The following CCDC7 variants were observed in gnomAD, a reference collection of about 807,000 sequenced individuals.
CCDC7 encodes coiled-coil domain containing 7.
In CCDC7, 183 loss-of-function variants were observed where a neutral mutation model predicts 196.9. The ratio of observed to expected loss-of-function variants is 0.93; its 90% confidence interval spans 0.82 to 1.05. CCDC7 has a LOEUF of 1.05. Among genes scored for constraint, CCDC7 ranks in the 50% least tolerant of loss-of-function variants. The pLI is 0.00. For missense variants in CCDC7, 1,540 were observed against 1,482.2 expected, an observed-to-expected ratio of 1.04 and a Z score of -0.64; for synonymous variants, 525 against 484.6, an observed-to-expected ratio of 1.08 and a Z score of -1.10.
exon 17 of CCDC7, chr10:32,583,148 A>G: frequency 8.1e-7 from 1 of 1,231,578 alleles, no homozygotes; most frequent in Non-Finnish European, 1.0e-6. Context: ...CTGAAAACCA[A>G]TCCTATAAAT....
chr10:32,597,025 A>C (rs11527642), intron 18 of CCDC7, among the ~76,000 whole-genome samples: 1 of 151,962 alleles, frequency 6.6e-6, no homozygotes, highest in Non-Finnish European at 1.5e-5. Flanking sequence ...TTCTCAAGGA[A>C]TATCTTTGTG....
At chr10:32,770,815 C>A (rs2079051654) in intron 28 of CCDC7, among the ~76,000 whole-genome samples, 1 of 152,066 alleles carries the variant, frequency 6.6e-6, no homozygotes, top group Non-Finnish European at 1.5e-5. Flanking sequence ...TTGAATTGAT[C>A]TTTTTATCAT....
At chr10:32,460,997 C>T (rs971377888) in intron 3 of CCDC7, among the ~76,000 whole-genome samples, 2 of 152,030 alleles carry the variant, frequency 1.3e-5, no homozygotes, top group Admixed American at 6.6e-5. Context: ...TTTGTTCAAT[C>T]TTATGTTACT....
At chr10:32,591,936 T>C (rs1400375868) in intron 18 of CCDC7, among the ~76,000 whole-genome samples, 1 of 152,158 alleles carries the variant, frequency 6.6e-6, no homozygotes, top group African/African-American at 2.4e-5. Flanking sequence ...ACCTAAGCTG[T>C]TTTTTGGTTC....
chr10:32,702,160 G>A (rs1000398843), intron 24 of CCDC7, among the ~76,000 whole-genome samples: 5 of 152,140 alleles, frequency 3.3e-5, no homozygotes, highest in African/African-American at 1.2e-4. Flanking sequence ...GGCATTTAGT[G>A]CTATAAATTT....
At chr10:32,801,344 G>A (rs1430332007) in intron 29 of CCDC7, among the ~76,000 whole-genome samples, 2 of 152,122 alleles carry the variant, frequency 1.3e-5, no homozygotes, top group Admixed American at 6.5e-5. Flanking sequence ...TTTCCAGCTC[G>A]CTCACAGTGG....
chr10:32,739,852 A>AT (rs1296747265), intron 28 of CCDC7, among the ~76,000 whole-genome samples: 21 of 136,034 alleles, frequency 1.5e-4, no homozygotes, highest in East Asian at 6.6e-4. Flanking sequence ...TATTGTCATT[A>AT]TTTTTGCCCC....
intron 25 of CCDC7, among the ~76,000 whole-genome samples, chr10:32,724,111 T>A (rs1335991): frequency 1.6e-4 from 25 of 152,030 alleles, no homozygotes; most frequent in African/African-American, 6.0e-4. Flanking sequence ...CCTGAAAAGC[T>A]TATATATACA....
intron 28 of CCDC7, among the ~76,000 whole-genome samples, chr10:32,742,903 A>G (rs2086117810): frequency 6.6e-6 from 1 of 152,206 alleles, no homozygotes. Context: ...TTTGACATAT[A>G]AAGTTGAGAG....
chr10:32,727,443 T>C (rs1004725654), intron 26 of CCDC7, among the ~76,000 whole-genome samples: 5 of 152,036 alleles, frequency 3.3e-5, no homozygotes, highest in African/African-American at 1.2e-4. Context: ...TTTAGGGGAT[T>C]GAGAGGACGA....
At chr10:32,780,839 A>G (rs1378187641) in intron 29 of CCDC7, among the ~76,000 whole-genome samples, 1 of 152,182 alleles carries the variant, frequency 6.6e-6, no homozygotes, top group African/African-American at 2.4e-5. Context: ...AGAAATTTGC[A>G]GAATGAATTT....
intron 33 of CCDC7, among the ~76,000 whole-genome samples, chr10:32,844,254 A>G (rs1374574994): frequency 6.6e-6 from 1 of 151,966 alleles, no homozygotes; most frequent in African/African-American, 2.4e-5. Flanking sequence ...TAAAAACTCC[A>G]GTGGAAAGGA....
chr10:32,611,817 C>T (rs1160140947), intron 18 of CCDC7, among the ~76,000 whole-genome samples: 2 of 152,188 alleles, frequency 1.3e-5, no homozygotes, highest in African/African-American at 2.4e-5. Context: ...GTTTTGGCTA[C>T]TGTAGCCTTG....
intron 18 of CCDC7, among the ~76,000 whole-genome samples, chr10:32,585,530 C>A (rs1354789374): frequency 6.6e-6 from 1 of 152,104 alleles, no homozygotes; most frequent in East Asian, 1.9e-4. Flanking sequence ...CTCCTAGGCC[C>A]CCACCCCTGA....
intron 30 of CCDC7, among the ~76,000 whole-genome samples, chr10:32,811,572 A>T (rs2087124554): frequency 6.6e-6 from 1 of 152,096 alleles, no homozygotes; most frequent in Admixed American, 6.6e-5. Context: ...GTATTTCAGA[A>T]TAGCTAGAGA....
At chr10:32,555,522 G>C (rs1326642829) in intron 13 of CCDC7, among the ~76,000 whole-genome samples, 1 of 152,180 alleles carries the variant, frequency 6.6e-6, no homozygotes, top group African/African-American at 2.4e-5. Context: ...GGTATTACAG[G>C]TGTGAGCCAT....
intron 29 of CCDC7, among the ~76,000 whole-genome samples, chr10:32,781,438 A>G (rs973564621): frequency 6.6e-6 from 1 of 152,204 alleles, no homozygotes; most frequent in Non-Finnish European, 1.5e-5. Context: ...GTAGCATACA[A>G]AAAATTATAC....
At chr10:32,620,966 G>A (rs922727655) in intron 18 of CCDC7, among the ~76,000 whole-genome samples, 1 of 152,060 alleles carries the variant, frequency 6.6e-6, no homozygotes, top group African/African-American at 2.4e-5. Flanking sequence ...TCTTGACATT[G>A]GAAGTTTTGA....
chr10:32,553,569 C>T (rs1040446839), intron 13 of CCDC7, among the ~76,000 whole-genome samples: 1 of 152,118 alleles, frequency 6.6e-6, no homozygotes, highest in Non-Finnish European at 1.5e-5. Context: ...AGGTCTAGGG[C>T]TGAAGGCTGT....
Sources: allele counts gnomAD v4.1 joint callset (sites outside exome capture counted in the v4.1 genomes callset), GRCh38; gene constraint gnomAD v4.1.1; transcripts MANE v1.5; gene names NCBI Gene and HGNC (gene_info 2026-07-23, HGNC 2026-07-21).